SMARCA4: variants seen among roughly 807,000 people sequenced by gnomAD.
SMARCA4 encodes SWI/SNF-related matrix-associated actin-dependent regulator of chromatin subfamily A member 4.
A neutral mutation model predicts 193.9 loss-of-function variants in SMARCA4; 31 were observed. That is an observed-to-expected ratio of 0.16 (90% CI 0.12 to 0.22). SMARCA4 has a LOEUF of 0.22. Among genes scored for constraint, SMARCA4 ranks in the 10% least tolerant of loss-of-function variants. The pLI is 1.00. For synonymous variants in SMARCA4, 942 were observed against 933.1 expected (o/e 1.01, Z -0.17); for missense variants, 1,148 against 2,296.0 (o/e 0.50, Z 10.22).
At chr19:10,971,547 T>C (rs1599831283) in intron 1 of SMARCA4, among the ~76,000 whole-genome samples, 1 of 149,454 alleles carries the variant, frequency 6.7e-6, no homozygotes, top group South Asian at 2.1e-4. Context: ...CAGCGGGGAG[T>C]ACAGTGGTGC....
rs1252317007 is a variant in SMARCA4 at position 11,031,818 on chromosome 19, C to T, written c.3546+925C>T. ...GTGCAAACACCCTAGGTCTGCGCAG[C>T]CCTCAGACATGGGGTCGCTCCACCC... On this transcript the variant is annotated intron_variant, in intron 25 of 34. Transcript: ENST00000344626. The surrounding 1 kb of genome is among the most constrained non-coding windows in gnomAD (Gnocchi z 4.3). The T allele has an allele frequency of 6.6e-6, 1 of 152,262 alleles. No homozygotes were observed. The highest frequency in any genetic ancestry group is 1.5e-5 in the Non-Finnish European group (1 of 68,088). 9.4% of individuals were successfully genotyped at this position (152,262 alleles called of 1,614,324 possible). A position where few individuals can be genotyped will look rare whatever the true frequency, so the allele number is the denominator to read the frequency against.
At chr19:10,964,976 C>T (rs1848946941) in intron 1 of SMARCA4, among the ~76,000 whole-genome samples, 1 of 152,160 alleles carries the variant, frequency 6.6e-6, no homozygotes, top group African/African-American at 2.4e-5. Flanking sequence ...TATTTTCTTT[C>T]CACAAGGGTT....
At chr19:10,968,322 G>C (rs1301124460) in intron 1 of SMARCA4, among the ~76,000 whole-genome samples, 1 of 152,110 alleles carries the variant, frequency 6.6e-6, no homozygotes, top group Non-Finnish European at 1.5e-5. Flanking sequence ...CTGGTTTCCA[G>C]AGCTTTGCTT....
chr19:10,972,439 A>G (rs974648182), intron 1 of SMARCA4, among the ~76,000 whole-genome samples: 36 of 149,286 alleles, frequency 2.4e-4, no homozygotes, highest in African/African-American at 7.4e-4. Flanking sequence ...TCCACTTTCT[A>G]TGTGACATTG....
At position 11,060,138 on chromosome 19, in the gene SMARCA4, G is replaced by T. The variant is rs964459864; in HGVS notation, c.4862G>T (p.Arg1621Leu). 6.4e-7 allele frequency: 1 copy of T among 1,551,036 alleles called. No homozygotes were observed. Among genetic ancestry groups the T allele is most frequent in the Non-Finnish European group, 8.7e-7 (1 of 1,146,702 alleles). The stretch of plus-strand genomic sequence containing the variant: ...CGGCGGCGGCCGAGCCGAGGGTCCC[G>T]AGCCAAGCCGGTCGTGAGTGACGAT... Reference protein sequence around the residue: ...GGRRRPSRGSRAKPVVSDDDS... With the variant: ...GGRRRPSRGSLAKPVVSDDDS... Residue 1621 changes from arginine (R) to leucine (L), a missense_variant, in exon 34 of 35, where the codon CGA becomes CTA. Physicochemically the swap from Arg to Leu is moderately radical, Grantham distance 102. Coordinates refer to ENST00000344626, the MANE Select transcript of SMARCA4 (RefSeq NM_003072.5).
chr19:10,981,742 C>T (rs537873884), intron 1 of SMARCA4, among the ~76,000 whole-genome samples: 15 of 151,788 alleles, frequency 9.9e-5, no homozygotes, highest in African/African-American at 3.1e-4. Flanking sequence ...TTGGGAAGTC[C>T]AGGCTGGAGG....
At chr19:11,015,438 C>G (rs2089267178) in intron 16 of SMARCA4, among the ~76,000 whole-genome samples, 1 of 152,056 alleles carries the variant, frequency 6.6e-6, no homozygotes, top group Admixed American at 6.6e-5. Flanking sequence ...TTGGGTTTGT[C>G]CGATGTGATC....
At position 11,007,894 on chromosome 19, in the gene SMARCA4, C is replaced by T. The variant is rs1321200464; in HGVS notation, c.2002-8C>T. On this transcript the variant is annotated splice_region_variant and splice_polypyrimidine_tract_variant and intron_variant, in intron 13 of 34. Transcript: ENST00000344626. ...GAACTGAGGTGACATGGGCTTGTCT[C>T]TTGGTAGGAGGAGGAGGAAGAGCAG... The T allele has an allele frequency of 1.2e-6, 2 of 1,613,334 alleles. No homozygotes were observed. The highest frequency in any genetic ancestry group is 2.2e-5 in the East Asian group (1 of 44,870).
intron 15 of SMARCA4, chr19:11,012,522 C>G (rs139220882): frequency 3.5e-4 from 92 of 260,086 alleles, no homozygotes; most frequent in African/African-American, 1.9e-3. Flanking sequence ...TTGGAAATCC[C>G]TCTCTTAATC....
intron 1 of SMARCA4, among the ~76,000 whole-genome samples, chr19:10,974,681 ATATATATATTTTTTTTTTTTTTTTTT>A (rs1376064991): frequency 2.8e-4 from 12 of 42,138 alleles, no homozygotes; most frequent in African/African-American, 1.2e-3. Flanking sequence ...ATATATATAT[ATATATATATTTTTTTTTTTTTTTTTT>A]TTTTTTTTTT....
At chr19:11,008,908 A>C (rs907600496) in intron 14 of SMARCA4, among the ~76,000 whole-genome samples, 17 of 138,570 alleles carry the variant, frequency 1.2e-4, no homozygotes, top group African/African-American at 4.4e-4. Context: ...GGGGAGGAGG[A>C]GGCTGCAGTG....
intron 11 of SMARCA4, among the ~76,000 whole-genome samples, chr19:10,999,153 G>A (rs146239182): frequency 1.6e-4 from 25 of 152,114 alleles, no homozygotes; most frequent in African/African-American, 5.5e-4. Flanking sequence ...CAATCTACCT[G>A]CCTTGGCCTC....
At chr19:10,963,116 A>T (rs2083934260) in intron 1 of SMARCA4, among the ~76,000 whole-genome samples, 1 of 151,900 alleles carries the variant, frequency 6.6e-6, no homozygotes, top group African/African-American at 2.4e-5. Context: ...CTCATACCTG[A>T]AATCCCAGCA....
chr19:10,992,321 T>C (rs1437874046), intron 8 of SMARCA4, among the ~76,000 whole-genome samples: 2 of 151,652 alleles, frequency 1.3e-5, no homozygotes, highest in East Asian at 3.9e-4. Flanking sequence ...TTCACCATGT[T>C]GGTCAGGCTG....
At chr19:11,050,343 G>A (rs2076190493) in intron 30 of SMARCA4, among the ~76,000 whole-genome samples, 1 of 152,236 alleles carries the variant, frequency 6.6e-6, no homozygotes, top group African/African-American at 2.4e-5. Context: ...CAGCCCTGTG[G>A]TTACTGTAGG....
chr19:11,034,064 C>A lies in SMARCA4; in HGVS notation c.3874-59C>A, dbSNP rs2146674545. The stretch of plus-strand genomic sequence containing the variant: ...ACGGACGCCGCCGCTCGCCTCTGAG[C>A]TCGGCCGCCGCCCACCCCGGCCCCT... On this transcript the variant is annotated intron_variant, in intron 27 of 34. Transcript: ENST00000344626. The surrounding 1 kb of genome is among the most constrained non-coding windows in gnomAD (Gnocchi z 7.0). 2 of 1,377,666 alleles carry A rather than the reference C, an allele frequency of 1.5e-6. No individual in the cohort carries two copies. Among genetic ancestry groups the A allele is most frequent in the Non-Finnish European group, 2.1e-6 (2 of 966,296 alleles). The allele number at this position is 1,377,666 out of a possible 1,614,324, so 85.3% of individuals were successfully genotyped here.
chr19:11,028,632 C>G (rs536066997), intron 24 of SMARCA4, among the ~76,000 whole-genome samples: 1 of 152,374 alleles, frequency 6.6e-6, no homozygotes, highest in East Asian at 1.9e-4. Context: ...AGCCCAACCC[C>G]CTGCCCTGCG....
intron 30 of SMARCA4, among the ~76,000 whole-genome samples, chr19:11,045,761 G>T (rs2075867989): frequency 6.6e-6 from 1 of 152,000 alleles, no homozygotes; most frequent in African/African-American, 2.4e-5. Flanking sequence ...TGTAGCCTTT[G>T]TAAGATTTGA....
In SMARCA4 at chr19:10,961,041, C is replaced by G. The variant is rs1265752633; in HGVS notation, c.-165C>G. ...TGGCCGAGGCGGGCGGGCGCGCGCG[C>G]GAGGCTTCCCCTCGTTTGGCGGCGG... On this transcript the variant is annotated 5_prime_UTR_variant, in exon 1 of 35. Transcript: ENST00000344626. 4 of 148,800 alleles carry G rather than the reference C, an allele frequency of 2.7e-5. No individual in the cohort carries two copies. In the East Asian group the frequency reaches 7.9e-4, roughly 29 times the overall value. 9.2% of individuals were successfully genotyped at this position (148,800 alleles called of 1,614,324 possible).
Sources: gnomAD v4.1 joint callset for allele counts (sites outside exome capture counted in the v4.1 genomes callset) on GRCh38, gnomAD v4.1.1 for gene constraint, Gnocchi (gnomAD v3.1) non-coding constraint, MANE v1.5 for transcripts, NCBI Gene and HGNC (gene_info 2026-07-23, HGNC 2026-07-21) for gene names.